Variants in ACSL1 observed in about 807,000 individuals in gnomAD.
ACSL1 encodes long-chain-fatty-acid--CoA ligase 1.
ACSL1 carries 41 observed loss-of-function variants against 98.4 expected under a neutral mutation model. That is an observed-to-expected ratio of 0.42 (90% CI 0.32 to 0.54). ACSL1 has a LOEUF of 0.54. Ranked by LOEUF, ACSL1 falls within the 20% of genes least tolerant of loss-of-function variation. ACSL1 has a pLI of 0.13. For missense variants in ACSL1, 734 were observed against 883.1 expected (o/e 0.83, Z 2.14); for synonymous variants, 316 against 322.7 (o/e 0.98, Z 0.22).
intron 14 of ACSL1, among the ~76,000 whole-genome samples, chr4:184,765,328 T>A (rs985584237): frequency 3.3e-5 from 5 of 152,226 alleles, no homozygotes; most frequent in African/African-American, 9.6e-5. Flanking sequence ...CACAGCTGCA[T>A]ACCTGCTTCT....
intron 2 of ACSL1, among the ~76,000 whole-genome samples, chr4:184,791,158 G>A (rs571610133): frequency 1.2e-4 from 18 of 152,232 alleles, no homozygotes; most frequent in Non-Finnish European, 2.1e-4. Context: ...CAACAGAAAT[G>A]CATTCATGGT....
chr4:184,796,728 G>C (rs530647102), intron 2 of ACSL1, among the ~76,000 whole-genome samples: 63 of 152,294 alleles, frequency 4.1e-4, no homozygotes, highest in Non-Finnish European at 6.2e-4. Flanking sequence ...TCTCACACAG[G>C]CTTCTAGTTA....
At chr4:184,770,654 T>C (rs184355141) in intron 10 of ACSL1, among the ~76,000 whole-genome samples, 178 bp from the exon 11 acceptor site, 15 of 152,078 alleles carry the variant, frequency 9.9e-5, no homozygotes, top group Admixed American at 8.5e-4. Context: ...CATGTACACA[T>C]ATGTAACACA....
intron 7 of ACSL1, among the ~76,000 whole-genome samples, chr4:184,775,711 A>G (rs1765190559): frequency 6.6e-6 from 1 of 152,210 alleles, no homozygotes; most frequent in Non-Finnish European, 1.5e-5. Flanking sequence ...TCTTTGTAGG[A>G]GGAGGAAAAC....
chr4:184,809,288 G>A (rs778234988), intron 1 of ACSL1, among the ~76,000 whole-genome samples: 4 of 152,126 alleles, frequency 2.6e-5, no homozygotes, highest in Non-Finnish European at 5.9e-5. Context: ...CCAGTAAAAT[G>A]AGGACCATAC....
chr4:184,801,811 G>T (rs542061207), intron 2 of ACSL1, among the ~76,000 whole-genome samples: 10 of 152,194 alleles, frequency 6.6e-5, no homozygotes, highest in Non-Finnish European at 1.3e-4. Context: ...GAGAACATAT[G>T]TAATTATTTT....
rs1229721303 is a variant in ACSL1, at chr4:184,794,639, G to A, written c.196-5908C>T. Among the ~76,000 whole-genome samples the A allele has an allele frequency of 2.0e-5, 3 of 152,170 alleles. 1 individual carries two copies. Among genetic ancestry groups the A allele is most frequent in the Non-Finnish European group, 4.4e-5 (3 of 68,040 alleles). On this transcript the variant is annotated intron_variant, in intron 2 of 20. Transcript: ENST00000281455. ...CTTGGGGGGGCTGCTTCCCTTCTCA[G>A]TCCCATGTCCACCACATAGTGGAGC...
chr4:184,813,290 T>C (rs927948688), intron 1 of ACSL1, among the ~76,000 whole-genome samples: 7 of 152,160 alleles, frequency 4.6e-5, no homozygotes, highest in African/African-American at 1.7e-4. Context: ...CCAATACTGA[T>C]TGAATAAGGC....
At chr4:184,767,212 G>T (rs1341256169) in intron 12 of ACSL1, among the ~76,000 whole-genome samples, 2 of 151,244 alleles carry the variant, frequency 1.3e-5, no homozygotes, top group East Asian at 3.9e-4. Context: ...AGCCCTGGAG[G>T]TGGAGGCTGC....
At chr4:184,816,489 CAGAA>C (rs1772647963) in intron 1 of ACSL1, among the ~76,000 whole-genome samples, 1 of 151,994 alleles carries the variant, frequency 6.6e-6, no homozygotes, top group African/African-American at 2.4e-5. Context: ...GTTTAAAAGA[CAGAA>C]AGAAAAAGAG....
At chr4:184,767,085 C>T (rs960911531) in intron 12 of ACSL1, among the ~76,000 whole-genome samples, 2 of 151,950 alleles carry the variant, frequency 1.3e-5, no homozygotes, top group African/African-American at 4.8e-5. Context: ...AGTTTGAGTC[C>T]AGTGTGGCCA....
intron 1 of ACSL1, among the ~76,000 whole-genome samples, chr4:184,821,525 A>G (rs1161821474): frequency 6.6e-6 from 1 of 152,238 alleles, no homozygotes; most frequent in African/African-American, 2.4e-5. Flanking sequence ...CCCTATTTCA[A>G]CTGCTTTTGA....
chr4:184,794,952 A>G (rs1769087484), intron 2 of ACSL1, among the ~76,000 whole-genome samples: 1 of 152,014 alleles, frequency 6.6e-6, no homozygotes, highest in Non-Finnish European at 1.5e-5. Context: ...GGACGGGGGT[A>G]GGGGTAGGAG....
intron 2 of ACSL1, among the ~76,000 whole-genome samples, chr4:184,800,471 A>G (rs898984082): frequency 2.0e-5 from 3 of 152,262 alleles, no homozygotes; most frequent in African/African-American, 7.2e-5. Flanking sequence ...CTCAGAGAAG[A>G]GGCTAAAACA....
intron 12 of ACSL1, among the ~76,000 whole-genome samples, chr4:184,767,010 G>A (rs546524229): frequency 1.6e-4 from 25 of 152,280 alleles, no homozygotes; most frequent in African/African-American, 5.3e-4. Flanking sequence ...GGCCAGGTGC[G>A]GTGGCCCACG....
intron 2 of ACSL1, among the ~76,000 whole-genome samples, chr4:184,792,157 T>C (rs1768483416): frequency 6.6e-6 from 1 of 152,152 alleles, no homozygotes; most frequent in East Asian, 1.9e-4. Flanking sequence ...AAGCAACATC[T>C]TGACATGTAA....
rs74654630 is a variant in ACSL1 at position 184,757,686 on chromosome 4, G to C, written c.1905C>G (p.Leu635=). 3.7e-6 allele frequency: 6 copies of C among 1,613,866 alleles called. No homozygotes were observed. The highest frequency in any genetic ancestry group is 5.1e-6 in the Non-Finnish European group (6 of 1,179,978). The stretch of plus-strand genomic sequence containing the variant: ...CCTTCCCAAGTCTCACCATATCTTC[G>C]AGGATAGCTTTTTTGACATCCTAAA... ...CRNKDVKKAI[L]EDMVRLGKDS... is the part of the protein sequence containing the mutation. Residue 635 remains leucine (L), a synonymous_variant, in exon 20 of 21, where the codon CTC becomes CTG. Transcript: ENST00000281455. This position sits in a 1 kb window ranked among gnomAD's most constrained non-coding sequence, Gnocchi z 4.5.
intron 2 of ACSL1, among the ~76,000 whole-genome samples, chr4:184,800,233 A>C (rs1195183650): frequency 6.6e-6 from 1 of 152,214 alleles, no homozygotes; most frequent in African/African-American, 2.4e-5. Flanking sequence ...CATATGAGGA[A>C]TCTGAAGGTC....
intron 4 of ACSL1, among the ~76,000 whole-genome samples, chr4:184,782,890 G>A (rs1033439727): frequency 6.6e-6 from 1 of 152,192 alleles, no homozygotes; most frequent in Non-Finnish European, 1.5e-5. Flanking sequence ...CAGGAGTGTG[G>A]CTCCGAGGCT....
Sources: gnomAD v4.1 joint callset for allele counts (sites outside exome capture counted in the v4.1 genomes callset) on GRCh38, gnomAD v4.1.1 for gene constraint, Gnocchi (gnomAD v3.1) non-coding constraint, MANE v1.5 for transcripts, NCBI Gene and HGNC (gene_info 2026-07-23, HGNC 2026-07-21) for gene names.